Variants in DENR observed in about 807,000 individuals in gnomAD.
The protein encoded by DENR is density regulated re-initiation and release factor, also known as density-regulated protein.
A neutral mutation model predicts 30.6 loss-of-function variants in DENR; 6 were observed. That is an observed-to-expected ratio of 0.20 (90% confidence interval 0.11 to 0.39). The LOEUF (loss-of-function observed/expected upper bound fraction) is 0.39, where lower values mean the gene tolerates loss of function less well. DENR is among the 10% of genes least tolerant of loss of function. DENR has a pLI of 1.00. For synonymous variants in DENR, 78 were observed against 72.1 expected, an observed-to-expected ratio of 1.08 and a Z score of -0.41; for missense variants, 141 against 230.9, an observed-to-expected ratio of 0.61 and a Z score of 2.52.
At position 122,759,870 on chromosome 12, in the gene DENR, G is replaced by A. The variant is rs536746913; in HGVS notation, c.107-2317G>A. Among the ~76,000 whole-genome samples the A allele has an allele frequency of 2.6e-5, 4 of 152,322 alleles. No homozygotes were observed. The East Asian group carries it at 7.7e-4, about 29-fold the overall frequency. Reference sequence around the variant, plus strand: ...TGCCTAGTATTTGAACTTGAATTGTGAGGAATATAGGGCTGTAGCTAACCA... The same window carrying A: ...TGCCTAGTATTTGAACTTGAATTGTAAGGAATATAGGGCTGTAGCTAACCA... On this transcript the variant is annotated intron_variant, in intron 2 of 7. Transcript: ENST00000280557.
At chr12:122,768,945 C>A in intron 7 of DENR, 24 bp downstream of exon 7, 2 of 1,603,536 alleles carry the variant, frequency 1.2e-6, no homozygotes, top group Non-Finnish European at 8.5e-7. Flanking sequence ...ACACATACAT[C>A]GCTAGAGATA....
At chr12:122,767,417 TAATA>T (rs780160701) in intron 5 of DENR, 67 bp from the exon 6 acceptor site, 10 of 953,446 alleles carry the variant, frequency 1.0e-5, no homozygotes, top group Middle Eastern at 3.0e-4. Flanking sequence ...TTTTGAGAAT[TAATA>T]AATTTAAAGA....
At chr12:122,757,032 G>T (rs1878568621) in intron 2 of DENR, among the ~76,000 whole-genome samples, 2 of 152,168 alleles carry the variant, frequency 1.3e-5, no homozygotes, top group African/African-American at 2.4e-5. Flanking sequence ...AAATAAACTG[G>T]ATGTAGTTTT....
chr12:122,769,227 CAT>C lies in DENR; in HGVS notation c.*150_*151del, dbSNP rs1425760553. On this transcript the variant is annotated 3_prime_UTR_variant, in exon 8 of 8. Coordinates refer to ENST00000280557, the MANE Select transcript of DENR (RefSeq NM_003677.5). ...ATACACATATACACATGTATATATA[CAT>C]GTGTGTATGTATACATGTATATATA... The C allele has an allele frequency of 4.9e-6, 4 of 814,902 alleles. No individual in the cohort carries two copies. In the African/African-American group the frequency reaches 9.6e-5, roughly 19 times the overall value. The allele number at this position is 814,902 out of a possible 1,614,324, so 50.5% of individuals were successfully genotyped here.
intron 2 of DENR, among the ~76,000 whole-genome samples, chr12:122,755,660 A>G (rs1446985994): frequency 6.6e-6 from 1 of 152,220 alleles, no homozygotes; most frequent in Admixed American, 6.5e-5. Context: ...GATTCCTATT[A>G]TATTTTTATA....
At chr12:122,759,703 A>G (rs1000988196) in intron 2 of DENR, among the ~76,000 whole-genome samples, 1 of 151,952 alleles carries the variant, frequency 6.6e-6, no homozygotes, top group African/African-American at 2.4e-5. Context: ...CCTGGGCAAC[A>G]GAGCAAAACC....
rs1555252677 is a variant in DENR, at chr12:122,769,312, A to ATC, written c.*235_*236insCT. The ATC allele has an allele frequency of 4.4e-6, 4 of 903,882 alleles. 1 individual carries two copies. The highest frequency in any genetic ancestry group is 5.3e-6 in the Non-Finnish European group (4 of 754,202). 56.0% of individuals were successfully genotyped at this position (903,882 alleles called of 1,614,324 possible). A position where few individuals can be genotyped will look rare whatever the true frequency, so the allele number is the denominator to read the frequency against. ...CATATATGTATACATATATACACAT[A>ATC]TGTATACATATATATATATTCTACA... On this transcript the variant is annotated 3_prime_UTR_variant, in exon 8 of 8. Coordinates refer to ENST00000280557, the MANE Select transcript of DENR (RefSeq NM_003677.5).
intron 2 of DENR, among the ~76,000 whole-genome samples, chr12:122,755,923 C>G (rs1378732081): frequency 1.3e-5 from 2 of 152,172 alleles, no homozygotes; most frequent in Non-Finnish European, 2.9e-5. Flanking sequence ...TCTAACATTA[C>G]CATTTTGTAA....
intron 5 of DENR, among the ~76,000 whole-genome samples, chr12:122,765,974 A>C (rs957152211): frequency 6.6e-6 from 1 of 151,162 alleles, no homozygotes; most frequent in Non-Finnish European, 1.5e-5. Flanking sequence ...TCCTGTACCC[A>C]CCTGTTTCAT....
At chr12:122,766,407 G>C (rs1878851195) in intron 5 of DENR, among the ~76,000 whole-genome samples, 1 of 152,108 alleles carries the variant, frequency 6.6e-6, no homozygotes, top group African/African-American at 2.4e-5. Flanking sequence ...CCAGGATTCT[G>C]TCCTAGGCCC....
Position 122,753,692 on chromosome 12 carries a change from G to A in DENR, c.-9-1G>A. 1.2e-6 allele frequency: 2 copies of A among 1,612,550 alleles called. No homozygotes were observed. The highest frequency in any genetic ancestry group is 1.7e-6 in the Non-Finnish European group (2 of 1,178,644). On this transcript the variant is annotated splice_acceptor_variant, in intron 1 of 7. Coordinates refer to ENST00000280557, the MANE Select transcript of DENR (RefSeq NM_003677.5). LOFTEE classifies it low-confidence loss of function (5UTR_SPLICE). ...GGGTGTGTTATTTTCCTTGCTTACA[G>A]GTTTGTGAAATGGCTGCTGACATTT...
intron 3 of DENR, 135 bp downstream of exon 3, chr12:122,762,341 T>C (rs990165060): frequency 3.2e-6 from 2 of 618,802 alleles, no homozygotes; most frequent in African/African-American, 3.7e-5. Context: ...TAGAGAACTT[T>C]GATTTAGAGT....
At chr12:122,759,353 T>C (rs1006302164) in intron 2 of DENR, among the ~76,000 whole-genome samples, 25 of 152,144 alleles carry the variant, frequency 1.6e-4, no homozygotes, top group African/African-American at 5.3e-4. Context: ...TAAAGAGAAA[T>C]TGACTTTTTT....
At chr12:122,759,383 T>C (rs994085508) in intron 2 of DENR, among the ~76,000 whole-genome samples, 2 of 152,182 alleles carry the variant, frequency 1.3e-5, no homozygotes, top group African/African-American at 4.8e-5. Context: ...AATGGTGAAC[T>C]TAAAGGAGCT....
At chr12:122,767,671 T>C in intron 6 of DENR, 67 bp downstream of exon 6, 1 of 867,318 alleles carries the variant, frequency 1.2e-6, no homozygotes, top group Non-Finnish European at 1.7e-6. Context: ...CCTCTATCTC[T>C]CTGTCTCTCT....
chr12:122,770,537 C>G lies in DENR; in HGVS notation c.*1459C>G, dbSNP rs1485018095. 2.5e-6 allele frequency: 1 copy of G among 397,884 alleles called. No individual in the cohort carries two copies. Among genetic ancestry groups the G allele is most frequent in the Non-Finnish European group, 4.4e-6 (1 of 225,878 alleles). 24.6% of individuals were successfully genotyped at this position (397,884 alleles called of 1,614,324 possible). A position where few individuals can be genotyped will look rare whatever the true frequency, so the allele number is the denominator to read the frequency against. On this transcript the variant is annotated 3_prime_UTR_variant, in exon 8 of 8. Transcript: ENST00000280557. ...GTTAAAAGTACTGTACACCCATGCT[C>G]AATATATAGTCCTGGAAATAGCAAT...
Position 122,770,596 on chromosome 12 carries a change from T to G in DENR, c.*1518T>G, listed in dbSNP as rs1217464811. Reference sequence around the variant, plus strand: ...GTCTTCTCACAAGAGAAAATGACAGTTTTAATGATGTATTTGATGAATTTA... The same window carrying G: ...GTCTTCTCACAAGAGAAAATGACAGGTTTAATGATGTATTTGATGAATTTA... On this transcript the variant is annotated 3_prime_UTR_variant, in exon 8 of 8. Coordinates refer to ENST00000280557, the MANE Select transcript of DENR (RefSeq NM_003677.5). 2 of 398,350 alleles carry G rather than the reference T, an allele frequency of 5.0e-6. No individual in the cohort carries two copies. Among genetic ancestry groups the G allele is most frequent in the Non-Finnish European group, 8.8e-6 (2 of 226,022 alleles). The allele number at this position is 398,350 out of a possible 1,614,324, so 24.7% of individuals were successfully genotyped here.
At chr12:122,759,263 G>A (rs1283231202) in intron 2 of DENR, among the ~76,000 whole-genome samples, 2 of 152,218 alleles carry the variant, frequency 1.3e-5, no homozygotes, top group Non-Finnish European at 2.9e-5. Context: ...CACTATTAGT[G>A]ATGCTAAGTT....
At chr12:122,754,749 A>G (rs905839675) in intron 2 of DENR, among the ~76,000 whole-genome samples, 7 of 152,212 alleles carry the variant, frequency 4.6e-5, no homozygotes, top group African/African-American at 1.7e-4. Context: ...GAGCAGGAAA[A>G]TAAAGTGACA....
Sources: gnomAD v4.1 joint callset for allele counts (sites outside exome capture counted in the v4.1 genomes callset) on GRCh38, gnomAD v4.1.1 for gene constraint, MANE v1.5 for transcripts, NCBI Gene and HGNC (gene_info 2026-07-23, HGNC 2026-07-21) for gene names.